Variants in TIAM1 observed in about 807,000 individuals in gnomAD.
The protein encoded by TIAM1 is rho guanine nucleotide exchange factor TIAM1.
Under a neutral mutation model 163.5 loss-of-function variants are expected in TIAM1, and 65 were observed. The ratio of observed to expected loss-of-function variants is 0.40; its 90% CI spans 0.33 to 0.49. The LOEUF is 0.49. Among genes scored for constraint, TIAM1 ranks in the 20% least tolerant of loss-of-function variants. TIAM1 has a pLI of 0.77. For synonymous variants in TIAM1, 833 were observed against 810.1 expected, an observed-to-expected ratio of 1.03 and a Z score of -0.48; for missense variants, 1,789 against 2,044.7, an observed-to-expected ratio of 0.87 and a Z score of 2.41.
intron 5 of TIAM1, 41 bp from the exon 6 acceptor site, chr21:31,245,701 T>C (rs1182379236): frequency 2.2e-6 from 3 of 1,392,638 alleles, no homozygotes; most frequent in South Asian, 3.7e-5. Flanking sequence ...TATTCAGTGC[T>C]TGGGAAACAA....
At chr21:31,209,023 CCTTA>C (rs2086589928) in intron 11 of TIAM1, among the ~76,000 whole-genome samples, 1 of 152,006 alleles carries the variant, frequency 6.6e-6, no homozygotes, top group African/African-American at 2.4e-5. Context: ...TTCTTCTGAG[CCTTA>C]CTGATTGTCC....
intron 2 of TIAM1, among the ~76,000 whole-genome samples, chr21:31,303,666 G>GA (rs889342443): frequency 3.9e-5 from 6 of 151,994 alleles, no homozygotes; most frequent in African/African-American, 1.4e-4. Context: ...CACCCTCAGG[G>GA]AAAAAAATCA....
At chr21:31,392,352 C>T (rs1203885456) in intron 2 of TIAM1, among the ~76,000 whole-genome samples, 1 of 151,962 alleles carries the variant, frequency 6.6e-6, no homozygotes, top group Non-Finnish European at 1.5e-5. Flanking sequence ...GGGTAGATCA[C>T]CTGAGGTCAG....
At chr21:31,522,122 C>G (rs981111380) in intron 1 of TIAM1, among the ~76,000 whole-genome samples, 1 of 151,966 alleles carries the variant, frequency 6.6e-6, no homozygotes, top group African/African-American at 2.4e-5. Flanking sequence ...CCGCCCGCCT[C>G]GGCCTCCCAA....
intron 2 of TIAM1, among the ~76,000 whole-genome samples, chr21:31,335,921 C>A (rs554572077): frequency 1.2e-3 from 181 of 152,238 alleles, no homozygotes; most frequent in African/African-American, 4.2e-3. Context: ...TAGGTTCCAC[C>A]AAGTAGACTT....
intron 2 of TIAM1, among the ~76,000 whole-genome samples, chr21:31,285,867 A>AAATT (rs1367611536): frequency 6.6e-6 from 1 of 152,170 alleles, no homozygotes; most frequent in Non-Finnish European, 1.5e-5. Flanking sequence ...CTCAACAAAT[A>AAATT]AATTAATTAA....
chr21:31,242,667 C>T (rs1258298331), intron 6 of TIAM1, among the ~76,000 whole-genome samples: 2 of 151,964 alleles, frequency 1.3e-5, no homozygotes, highest in African/African-American at 4.8e-5. Context: ...ACTAAACTAG[C>T]TGAGCAGAGA....
chr21:31,202,815 G>A (rs2086268025), intron 12 of TIAM1, 93 bp downstream of exon 12: 5 of 1,232,536 alleles, frequency 4.1e-6, no homozygotes, highest in South Asian at 1.3e-5. Flanking sequence ...TTTTGAACTC[G>A]TTCCACTCCA....
chr21:31,310,174 T>G (rs1295939873), intron 2 of TIAM1, among the ~76,000 whole-genome samples: 1 of 152,186 alleles, frequency 6.6e-6, no homozygotes, highest in Non-Finnish European at 1.5e-5. Flanking sequence ...CAGTGAAATG[T>G]GGGTGCAAGG....
chr21:31,434,383 G>C (rs2044141572), intron 2 of TIAM1, among the ~76,000 whole-genome samples: 1 of 152,164 alleles, frequency 6.6e-6, no homozygotes, highest in Admixed American at 6.5e-5. Context: ...AGCACAGGGA[G>C]AGGGAACTCG....
intron 2 of TIAM1, among the ~76,000 whole-genome samples, chr21:31,418,533 C>T (rs534195472): frequency 1.3e-4 from 20 of 152,100 alleles, no homozygotes; most frequent in African/African-American, 4.3e-4. Context: ...TCCCCTACCC[C>T]GGTGGCTGCA....
At chr21:31,178,375 C>T (rs1457873144) in intron 15 of TIAM1, among the ~76,000 whole-genome samples, 3 of 128,750 alleles carry the variant, frequency 2.3e-5, no homozygotes, top group Admixed American at 1.0e-4. Flanking sequence ...GGTGTGATCT[C>T]GGCTCACTGC....
chr21:31,221,472 C>T lies in TIAM1; in HGVS notation c.1995+1934G>A, dbSNP rs187745682. 2.0e-3 allele frequency among the ~76,000 whole-genome samples: 305 copies of T among 152,270 alleles called. 1 individual carries two copies. The highest frequency in any genetic ancestry group is 7.0e-3 in the African/African-American group (291 of 41,542). On this transcript the variant is annotated intron_variant, in intron 8 of 27. Transcript: ENST00000541036. ...AGCTGGCCAAATTTTAATAGCCTGCCCCCCTGAAAGAAAAGTACACACACA... is the reference window on the plus strand; with the variant it reads ...AGCTGGCCAAATTTTAATAGCCTGCTCCCCTGAAAGAAAAGTACACACACA...
chr21:31,205,836 A>G (rs780379147), intron 11 of TIAM1, among the ~76,000 whole-genome samples: 29 of 151,976 alleles, frequency 1.9e-4, no homozygotes, highest in Non-Finnish European at 3.8e-4. Context: ...TGGTGGGGTG[A>G]GCCTGTAGTC....
At chr21:31,315,347 T>C (rs1042742551) in intron 2 of TIAM1, among the ~76,000 whole-genome samples, 5 of 151,790 alleles carry the variant, frequency 3.3e-5, no homozygotes, top group African/African-American at 1.2e-4. Flanking sequence ...ACCCCTTCTC[T>C]ACTAAAAATA....
chr21:31,494,855 C>A (rs1404273390), intron 1 of TIAM1, among the ~76,000 whole-genome samples: 5 of 151,828 alleles, frequency 3.3e-5, no homozygotes, highest in African/African-American at 1.2e-4. Context: ...AAAAAGGAGT[C>A]CTAAAAATTA....
intron 12 of TIAM1, 152 bp downstream of exon 12, chr21:31,202,756 A>AT: frequency 1.5e-6 from 1 of 679,618 alleles, no homozygotes; most frequent in Non-Finnish European, 2.5e-6. Flanking sequence ...TACTGAGCTA[A>AT]GTAGGGCCAT....
intron 2 of TIAM1, among the ~76,000 whole-genome samples, chr21:31,449,670 G>T (rs904894424): frequency 6.6e-6 from 1 of 152,110 alleles, no homozygotes; most frequent in Non-Finnish European, 1.5e-5. Flanking sequence ...GAGCCACTGC[G>T]CCTGGTCTGT....
intron 1 of TIAM1, among the ~76,000 whole-genome samples, chr21:31,493,141 G>A (rs959076008): frequency 1.3e-5 from 2 of 152,068 alleles, no homozygotes; most frequent in African/African-American, 2.4e-5. Context: ...TACATTCCAG[G>A]TACCATGCAG....
Sources: allele counts gnomAD v4.1 joint callset (sites outside exome capture counted in the v4.1 genomes callset), GRCh38; gene constraint gnomAD v4.1.1; transcripts MANE v1.5; gene names NCBI Gene and HGNC (gene_info 2026-07-23, HGNC 2026-07-21).